The following STK32C variants were observed in gnomAD, a reference collection of about 807,000 sequenced individuals.
STK32C encodes serine/threonine kinase 32C, also known as serine/threonine-protein kinase 32C.
STK32C carries 31 observed loss-of-function variants against 56.5 expected under a neutral mutation model. The ratio of observed to expected loss-of-function variants is 0.55; its 90% CI spans 0.41 to 0.74. The LOEUF is 0.74. STK32C is among the 30% of genes least tolerant of loss of function. The probability of loss-of-function intolerance (pLI) is 0.00; values close to 1 mark genes in which losing one functional copy is unlikely to be tolerated. For synonymous variants in STK32C, 309 were observed against 289.4 expected (o/e 1.07, Z -0.69); for missense variants, 544 against 676.9 (o/e 0.80, Z 2.18).
chr10:132,294,357 G>A (rs527567725), intron 1 of STK32C, among the ~76,000 whole-genome samples: 6 of 152,276 alleles, frequency 3.9e-5, no homozygotes, highest in Admixed American at 2.0e-4. Context: ...GGAGGGGCCC[G>A]CCCCAAGGCA....
intron 2 of STK32C, among the ~76,000 whole-genome samples, chr10:132,229,969 G>C (rs1036357656): frequency 3.9e-5 from 6 of 152,212 alleles, no homozygotes; most frequent in Non-Finnish European, 1.5e-5. Context: ...CTCCCTGCCC[G>C]GTGGGAGGGG....
upstream of STK32C, among the ~76,000 whole-genome samples, chr10:132,311,146 G>A (rs1166014888): frequency 1.3e-5 from 2 of 152,028 alleles, no homozygotes; most frequent in South Asian, 2.1e-4. This position sits in a 1 kb window ranked among gnomAD's most constrained non-coding sequence, Gnocchi z 4.4. Context: ...CCACATAATT[G>A]GCACACAGCT....
chr10:132,225,180 G>A (rs2062841519), intron 7 of STK32C, 53 bp downstream of exon 7: 2 of 1,455,344 alleles, frequency 1.4e-6, no homozygotes, highest in African/African-American at 1.4e-5. Context: ...CACTGGTGGG[G>A]GCAGAGAGCA....
chr10:132,234,802 T>C (rs1449517569), intron 2 of STK32C, among the ~76,000 whole-genome samples: 1 of 152,188 alleles, frequency 6.6e-6, no homozygotes, highest in African/African-American at 2.4e-5. Context: ...AGGAAGTCTG[T>C]GTTGTTCAAA....
upstream of STK32C, among the ~76,000 whole-genome samples, chr10:132,312,216 C>T (rs767663557): frequency 6.6e-6 from 1 of 152,102 alleles, no homozygotes; most frequent in Non-Finnish European, 1.5e-5. Flanking sequence ...ACACTGTGGC[C>T]TAGGCTGATC....
At chr10:132,288,072 A>G (rs934797304) in intron 1 of STK32C, among the ~76,000 whole-genome samples, 2 of 152,182 alleles carry the variant, frequency 1.3e-5, no homozygotes, top group African/African-American at 4.8e-5. Context: ...CCAGCCCAAA[A>G]AAAAAGGTGT....
At chr10:132,237,122 G>A (rs924451049) in intron 2 of STK32C, among the ~76,000 whole-genome samples, 7 of 152,222 alleles carry the variant, frequency 4.6e-5, no homozygotes, top group African/African-American at 1.2e-4. Context: ...GCTGCCAGCT[G>A]GGTGGGCGGT....
chr10:132,211,198 T>C (rs2062287075), intron 10 of STK32C, among the ~76,000 whole-genome samples: 2 of 152,078 alleles, frequency 1.3e-5, no homozygotes, highest in South Asian at 2.1e-4. Context: ...AACCCTGATA[T>C]AGACAGACAA....
Position 132,255,262 on chromosome 10 carries a change from G to A in STK32C, c.263-9307C>T, listed in dbSNP as rs542538337. Among the ~76,000 whole-genome samples, 256 of 152,196 alleles carry A rather than the reference G, an allele frequency of 1.7e-3. No individual in the cohort carries two copies. The highest frequency in any genetic ancestry group is 2.8e-3 in the Non-Finnish European group (189 of 68,012). ...CCTCTGGGGATGTCTGGCCCACACG[G>A]GGCTCCTGACTTAGGAAATACCGGG... On this transcript the variant is annotated intron_variant, in intron 1 of 11. Coordinates refer to ENST00000298630, the MANE Select transcript of STK32C (RefSeq NM_173575.4). This position sits in a 1 kb window ranked among gnomAD's most constrained non-coding sequence, Gnocchi z 4.6.
chr10:132,238,150 G>C (rs1000535), intron 2 of STK32C, among the ~76,000 whole-genome samples: 14 of 152,126 alleles, frequency 9.2e-5, no homozygotes, highest in Non-Finnish European at 1.5e-4. Context: ...GCCAGGGCAC[G>C]GGGCAGCCTC....
chr10:132,309,265 G>A (rs1170949305), upstream of STK32C, among the ~76,000 whole-genome samples: 1 of 152,138 alleles, frequency 6.6e-6, no homozygotes, highest in Non-Finnish European at 1.5e-5. Context: ...TGGCTTCTGG[G>A]CCAACAGGAG....
intron 1 of STK32C, among the ~76,000 whole-genome samples, chr10:132,253,267 G>T (rs901263833): frequency 1.3e-5 from 2 of 152,260 alleles, no homozygotes; most frequent in South Asian, 4.1e-4. Flanking sequence ...CCACATGTCT[G>T]CCTGGAAGGT....
chr10:132,246,887 A>G (rs1184901813), intron 1 of STK32C, among the ~76,000 whole-genome samples: 1 of 152,050 alleles, frequency 6.6e-6, no homozygotes. Context: ...TGCACCCCTA[A>G]GTCCGTGTCC....
intron 1 of STK32C, among the ~76,000 whole-genome samples, chr10:132,274,869 C>G (rs538741296): frequency 6.6e-6 from 1 of 152,216 alleles, no homozygotes; most frequent in South Asian, 2.1e-4. Context: ...CTGAGTCACT[C>G]CCAGGACTCC....
At chr10:132,249,251 G>T in intron 1 of STK32C, 1 of 354,536 alleles carries the variant, frequency 2.8e-6, no homozygotes, top group Non-Finnish European at 5.6e-6. Flanking sequence ...GGGGCTGTGG[G>T]GTTAGGGGCA....
chr10:132,235,989 G>A (rs919953817), intron 2 of STK32C, among the ~76,000 whole-genome samples: 11 of 152,352 alleles, frequency 7.2e-5, no homozygotes, highest in South Asian at 4.1e-4. Flanking sequence ...GGGAGGTGGC[G>A]AAGGTTGTGG....
At position 132,229,871 on chromosome 10, in the gene STK32C, G is replaced by A. The variant is rs574548113; in HGVS notation, c.319-1743C>T. On this transcript the variant is annotated intron_variant, in intron 2 of 11. Coordinates refer to ENST00000298630, the MANE Select transcript of STK32C (RefSeq NM_173575.4). ...CCTGGGTGGATCCGGCTGCAGCACT[G>A]TGGTGCGGGAGACAGTGGCTTGGCC... is the stretch of plus-strand genomic sequence containing the variant. 2.0e-3 allele frequency among the ~76,000 whole-genome samples: 304 copies of A among 152,388 alleles called. 1 individual carries two copies. Among genetic ancestry groups the A allele is most frequent in the Non-Finnish European group, 2.9e-3 (196 of 68,040 alleles).
intron 1 of STK32C, among the ~76,000 whole-genome samples, chr10:132,263,482 TG>T (rs2064375606): frequency 6.6e-6 from 1 of 152,100 alleles, no homozygotes; most frequent in African/African-American, 2.4e-5. Context: ...AACCAGCCAC[TG>T]GGTACTATGC....
chr10:132,224,826 G>A (rs968040186), intron 7 of STK32C, among the ~76,000 whole-genome samples: 1 of 152,176 alleles, frequency 6.6e-6, no homozygotes, highest in African/African-American at 2.4e-5. Context: ...GGGGTCCTGT[G>A]CAGGGCTGAG....
Sources: gnomAD v4.1 joint callset for allele counts (sites outside exome capture counted in the v4.1 genomes callset) on GRCh38, gnomAD v4.1.1 for gene constraint, Gnocchi (gnomAD v3.1) non-coding constraint, MANE v1.5 for transcripts, NCBI Gene and HGNC (gene_info 2026-07-23, HGNC 2026-07-21) for gene names.